The following HS2ST1 variants were observed in gnomAD, a reference collection of about 807,000 sequenced individuals.
The protein encoded by HS2ST1 is 2-O-sulfotransferase.
A neutral mutation model predicts 42.9 loss-of-function variants in HS2ST1; 18 were observed. The observed-to-expected ratio is 0.42, with a 90% CI of 0.29 to 0.62. The LOEUF is 0.62. Ranked by LOEUF, HS2ST1 falls within the 20% of genes least tolerant of loss-of-function variation. The pLI is 0.21. For missense variants in HS2ST1, 334 were observed against 433.8 expected, an observed-to-expected ratio of 0.77 and a Z score of 2.04; for synonymous variants, 146 against 152.9, an observed-to-expected ratio of 0.95 and a Z score of 0.33.
At chr1:86,961,613 T>G (rs529947132) in intron 1 of HS2ST1, among the ~76,000 whole-genome samples, 1 of 152,282 alleles carries the variant, frequency 6.6e-6, no homozygotes, top group African/African-American at 2.4e-5. Context: ...GAGGTGAAAA[T>G]CACTTCACAG....
At chr1:86,951,731 T>C (rs1647525972) in intron 1 of HS2ST1, among the ~76,000 whole-genome samples, 1 of 152,234 alleles carries the variant, frequency 6.6e-6, no homozygotes, top group South Asian at 2.1e-4. Context: ...TGCTGTTTGA[T>C]AGCATTTTAC....
At chr1:86,950,141 A>G (rs1303463073) in intron 1 of HS2ST1, among the ~76,000 whole-genome samples, 2 of 152,238 alleles carry the variant, frequency 1.3e-5, no homozygotes, top group East Asian at 1.9e-4. Flanking sequence ...CTTAACATCA[A>G]CATTATGGGA....
intron 1 of HS2ST1, among the ~76,000 whole-genome samples, chr1:86,968,948 C>T (rs536043955): frequency 7.9e-5 from 12 of 152,110 alleles, no homozygotes; most frequent in South Asian, 2.1e-4. Context: ...GTGTAGAAAA[C>T]GGAATTGTTT....
chr1:86,989,251 A>G (rs901001973), intron 1 of HS2ST1, among the ~76,000 whole-genome samples: 2 of 152,228 alleles, frequency 1.3e-5, no homozygotes, highest in Non-Finnish European at 2.9e-5. Context: ...GGCTAAGCCC[A>G]TTAACTAATA....
chr1:87,055,622 A>G, intron 1 of HS2ST1, among the ~76,000 whole-genome samples: 1 of 152,232 alleles, frequency 6.6e-6, no homozygotes, highest in East Asian at 1.9e-4. Context: ...TTGTTCTGAA[A>G]GTGCAGTCCA....
intron 2 of HS2ST1, among the ~76,000 whole-genome samples, chr1:87,082,108 C>T (rs969096336): frequency 7.2e-5 from 11 of 152,022 alleles, no homozygotes; most frequent in African/African-American, 2.7e-4. Flanking sequence ...TCATTAGAGG[C>T]TACTATGAGC....
In HS2ST1 at chr1:86,914,713, A is replaced by C; in HGVS notation, c.-324A>C. ...AGGAAGGAAGAGAGGGAGGCGGGCAAGCAGGCGGGCGCGGGGGTCGGGGAC... is the reference window on the plus strand; with the variant it reads ...AGGAAGGAAGAGAGGGAGGCGGGCACGCAGGCGGGCGCGGGGGTCGGGGAC... On this transcript the variant is annotated 5_prime_UTR_variant, in exon 1 of 7. Transcript: ENST00000370550. The C allele has an allele frequency of 3.2e-6, 1 of 313,754 alleles. No homozygotes were observed. The highest frequency in any genetic ancestry group is 6.0e-6 in the Non-Finnish European group (1 of 167,750). 19.4% of individuals were successfully genotyped at this position (313,754 alleles called of 1,614,324 possible). A position where few individuals can be genotyped will look rare whatever the true frequency, so the allele number is the denominator to read the frequency against.
At chr1:87,066,670 A>C (rs1301738586) in intron 1 of HS2ST1, among the ~76,000 whole-genome samples, 2 of 151,922 alleles carry the variant, frequency 1.3e-5, no homozygotes, top group Non-Finnish European at 2.9e-5. Flanking sequence ...GGTTTGCTGC[A>C]CCCATCAACC....
intron 1 of HS2ST1, among the ~76,000 whole-genome samples, chr1:86,929,588 A>G (rs1417717802): frequency 2.0e-5 from 3 of 151,870 alleles, no homozygotes; most frequent in Non-Finnish European, 4.4e-5. Context: ...GATTTATAAA[A>G]TGCAAATTAA....
At chr1:87,028,376 A>G (rs1415435196) in intron 1 of HS2ST1, among the ~76,000 whole-genome samples, 1 of 152,248 alleles carries the variant, frequency 6.6e-6, no homozygotes, top group Non-Finnish European at 1.5e-5. Context: ...TTAGTTTTCA[A>G]AAGACTTTAC....
At chr1:87,063,407 G>T (rs949760996) in intron 1 of HS2ST1, among the ~76,000 whole-genome samples, 1 of 152,048 alleles carries the variant, frequency 6.6e-6, no homozygotes, top group East Asian at 1.9e-4. Flanking sequence ...CGTGACTTCC[G>T]CTCACCGCAG....
At chr1:86,977,860 T>G (rs1362919777) in intron 1 of HS2ST1, among the ~76,000 whole-genome samples, 3 of 152,148 alleles carry the variant, frequency 2.0e-5, no homozygotes, top group African/African-American at 7.2e-5. Flanking sequence ...AAAAAGCAAC[T>G]AAAGGAAAGT....
chr1:86,926,450 A>G (rs1428918669), intron 1 of HS2ST1, among the ~76,000 whole-genome samples: 2 of 152,190 alleles, frequency 1.3e-5, no homozygotes, highest in African/African-American at 4.8e-5. Context: ...TCCCTGTGCT[A>G]TAGCCTAGAA....
At chr1:86,965,223 T>C (rs1648010615) in intron 1 of HS2ST1, among the ~76,000 whole-genome samples, 3 of 152,172 alleles carry the variant, frequency 2.0e-5, no homozygotes, top group Admixed American at 1.3e-4. Flanking sequence ...GACCATCTAC[T>C]GGCTCTCTCT....
chr1:87,001,338 T>C (rs1649278973), intron 1 of HS2ST1, among the ~76,000 whole-genome samples: 1 of 152,230 alleles, frequency 6.6e-6, no homozygotes, highest in African/African-American at 2.4e-5. Flanking sequence ...CAAATCTTTA[T>C]TTACTTTTGG....
intron 2 of HS2ST1, among the ~76,000 whole-genome samples, chr1:87,081,790 G>A (rs1427027702): frequency 3.3e-5 from 5 of 151,534 alleles, no homozygotes; most frequent in Non-Finnish European, 5.9e-5. Context: ...GATCGAGACC[G>A]TCCTGGCCAA....
intron 1 of HS2ST1, among the ~76,000 whole-genome samples, chr1:86,976,566 C>T (rs1346864018): frequency 6.6e-5 from 10 of 151,220 alleles, no homozygotes; most frequent in Admixed American, 6.6e-4. Flanking sequence ...AAAATATGAG[C>T]TTAATTTAAC....
At chr1:86,991,636 T>TTTA (rs1331450056) in intron 1 of HS2ST1, among the ~76,000 whole-genome samples, 1 of 152,212 alleles carries the variant, frequency 6.6e-6, no homozygotes, top group Non-Finnish European at 1.5e-5. Context: ...GAGCTTATAT[T>TTTA]TGAGTTAAAC....
chr1:87,076,912 C>T (rs1005453653), intron 2 of HS2ST1, among the ~76,000 whole-genome samples: 5 of 152,054 alleles, frequency 3.3e-5, no homozygotes, highest in Admixed American at 1.3e-4. Flanking sequence ...TTTTGAAATT[C>T]ACTCTCAAGC....
Sources: allele counts gnomAD v4.1 joint callset (sites outside exome capture counted in the v4.1 genomes callset), GRCh38; gene constraint gnomAD v4.1.1; transcripts MANE v1.5; gene names NCBI Gene and HGNC (gene_info 2026-07-23, HGNC 2026-07-21).